Variants in ZNF800 observed in about 807,000 individuals in gnomAD.
ZNF800 encodes the protein zinc finger protein 800.
Under a neutral mutation model 59.5 loss-of-function variants are expected in ZNF800, and 13 were observed. The observed-to-expected ratio is 0.22, with a 90% confidence interval of 0.14 to 0.35. ZNF800 has a LOEUF of 0.35. Ranked by LOEUF, ZNF800 falls within the 10% of genes least tolerant of loss-of-function variation. The probability of loss-of-function intolerance (pLI) is 1.00; values close to 1 mark genes in which losing one functional copy is unlikely to be tolerated. For synonymous variants in ZNF800, 266 were observed against 265.7 expected (o/e 1.00, Z -0.01); for missense variants, 621 against 783.7 (o/e 0.79, Z 2.48).
At position 127,371,491 on chromosome 7, in the gene ZNF800, A is replaced by G. The variant is rs1334381606; in HGVS notation, c.*323T>C. On this transcript the variant is annotated 3_prime_UTR_variant, in exon 6 of 6. Coordinates refer to ENST00000265827, the MANE Select transcript of ZNF800 (RefSeq NM_176814.5). ...CAGGTTGTTGATCACTTAATCAACA[A>G]ATTGTTTAGAAAACAAAATTTGTAA... is the stretch of plus-strand genomic sequence containing the variant. 2 of 230,620 alleles carry G rather than the reference A, an allele frequency of 8.7e-6. No individual in the cohort carries two copies. The highest frequency in any genetic ancestry group is 1.7e-5 in the Non-Finnish European group (2 of 119,620). 14.3% of individuals were successfully genotyped at this position (230,620 alleles called of 1,614,324 possible).
Position 127,391,604 on chromosome 7 carries a change from A to T in ZNF800, c.-47T>A. On this transcript the variant is annotated 5_prime_UTR_variant, in exon 2 of 6. The change abolishes an upstream ATG in the 5' untranslated region. Coordinates refer to ENST00000265827, the MANE Select transcript of ZNF800 (RefSeq NM_176814.5). ...TTGCTTTCACTGTAAGAAGCTCTTC[A>T]TTGCGGCGTGGCTGTTGAAAGAAGC... 3.8e-6 allele frequency: 6 copies of T among 1,573,890 alleles called. No individual in the cohort carries two copies. Among genetic ancestry groups the T allele is most frequent in the Non-Finnish European group, 5.2e-6 (6 of 1,143,520 alleles).
chr7:127,366,295 A>G (rs552823056), downstream of ZNF800, among the ~76,000 whole-genome samples: 101 of 152,280 alleles, frequency 6.6e-4, 1 homozygote, highest in South Asian at 0.021. Context: ...AGTAAGCCCA[A>G]ATGTGGAAAG....
chr7:127,379,407 C>T (rs1319770510), intron 3 of ZNF800, among the ~76,000 whole-genome samples: 2 of 152,122 alleles, frequency 1.3e-5, no homozygotes, highest in East Asian at 1.9e-4. Flanking sequence ...ACCTGCTAGA[C>T]CCATAATACA....
intron 1 of ZNF800, among the ~76,000 whole-genome samples, chr7:127,358,975 T>A (rs1587425650): frequency 6.6e-6 from 1 of 152,244 alleles, no homozygotes; most frequent in East Asian, 1.9e-4. Context: ...CTGTCCCCAA[T>A]CGTATTTTTA....
chr7:127,372,615 T>C, intron 5 of ZNF800: 1 of 984,614 alleles, frequency 1.0e-6, no homozygotes, highest in Non-Finnish European at 1.2e-6. Context: ...AAAAAGTTTA[T>C]TAAAAAGAGA....
chr7:127,362,918 G>C (rs1286770128), intron 1 of ZNF800: 1 of 152,108 alleles, frequency 6.6e-6, no homozygotes, highest in Non-Finnish European at 1.5e-5. Flanking sequence ...TACTGCAATA[G>C]TGAAGGTAAG....
chr7:127,384,358 C>G (rs980260865), intron 3 of ZNF800, among the ~76,000 whole-genome samples: 3 of 150,666 alleles, frequency 2.0e-5, no homozygotes, highest in Admixed American at 2.0e-4. Flanking sequence ...CTCAGCCTCT[C>G]GAGTAGCTGA....
At chr7:127,386,761 T>C (rs1003850643) in intron 2 of ZNF800, among the ~76,000 whole-genome samples, 4 of 152,176 alleles carry the variant, frequency 2.6e-5, no homozygotes, top group Admixed American at 1.3e-4. Context: ...AAATAAACTG[T>C]GAAATGTCCA....
At position 127,377,091 on chromosome 7, in the gene ZNF800, T is replaced by G; in HGVS notation, c.301+95A>C. 1 of 1,116,624 alleles carries G rather than the reference T, an allele frequency of 9.0e-7. No homozygotes were observed. 69.2% of individuals were successfully genotyped at this position (1,116,624 alleles called of 1,614,324 possible). ...GTAACTAGACATCATTATCAAATTA[T>G]CAGTAACTAGATACAATTTTAATGC... is the stretch of plus-strand genomic sequence containing the variant. On this transcript the variant is annotated intron_variant, in intron 4 of 5. Transcript: ENST00000265827. The surrounding 1 kb of genome is among the most constrained non-coding windows in gnomAD (Gnocchi z 4.7).
downstream of ZNF800, among the ~76,000 whole-genome samples, chr7:127,343,987 T>C (rs1030273562): frequency 6.6e-6 from 1 of 152,026 alleles, no homozygotes; most frequent in Non-Finnish European, 1.5e-5. Flanking sequence ...GATAAAGACC[T>C]GTATTTCAGT....
At chr7:127,375,147 A>ATT (rs1435268798) in intron 4 of ZNF800, 113 bp from the exon 5 acceptor site, 1 of 856,566 alleles carries the variant, frequency 1.2e-6, no homozygotes, top group East Asian at 2.8e-5. Flanking sequence ...TTACCAGTTT[A>ATT]TTTTTATAAG....
At chr7:127,387,785 C>T (rs996038337) in intron 2 of ZNF800, among the ~76,000 whole-genome samples, 3 of 151,866 alleles carry the variant, frequency 2.0e-5, no homozygotes, top group Non-Finnish European at 4.4e-5. Context: ...CGTTTGAGCC[C>T]GGGAGGCAGA....
chr7:127,346,992 C>T (rs1285153363), exon 2 of ZNF800: 1 of 152,506 alleles, frequency 6.6e-6, no homozygotes, highest in African/African-American at 2.4e-5. Context: ...TGTGCCCGCT[C>T]ACTGACTGGG....
Position 127,373,762 on chromosome 7 carries a change from G to C in ZNF800, c.1574C>G (p.Thr525Ser), listed in dbSNP as rs1435897591. 1 of 1,614,130 alleles carries C rather than the reference G, an allele frequency of 6.2e-7. No individual in the cohort carries two copies. Among genetic ancestry groups the C allele is most frequent in the Admixed American group, 1.7e-5 (1 of 60,018 alleles). Residue 525 changes from threonine (T) to serine (S), a missense_variant, in exon 5 of 6, where the codon ACT (threonine) becomes AGT (serine). By Grantham distance (58) the Thr-to-Ser change is moderately conservative. Transcript: ENST00000265827. ...ATCACGTTTCCGACGAGTTTCATAA[G>C]TGCAAAGAGGACACTTGTAGAATTT... Reference protein sequence around the residue: ...YVKFYKCPLCTYETRRKRDVI... With the variant: ...YVKFYKCPLCSYETRRKRDVI...
downstream of ZNF800, among the ~76,000 whole-genome samples, chr7:127,367,878 C>T (rs570062564): frequency 4.6e-5 from 7 of 152,220 alleles, no homozygotes; most frequent in South Asian, 6.2e-4. Flanking sequence ...GCTGAGTGGA[C>T]GCAAACACCA....
chr7:127,391,533 G>C lies in ZNF800; in HGVS notation c.25C>G (p.Gln9Glu). MPLRDKYCQTDHHHHGCCE... is the reference protein window; with the variant it reads MPLRDKYCETDHHHHGCCE... Reference sequence around the variant, plus strand: ...CATCCGTGATGATGGTGGTCAGTCTGACAGTATTTGTCCCTTAAAGGCATT... The same window carrying C: ...CATCCGTGATGATGGTGGTCAGTCTCACAGTATTTGTCCCTTAAAGGCATT... Residue 9 changes from glutamine (Q) to glutamate (E), a missense_variant, in exon 2 of 6, where the codon CAG (glutamine) becomes GAG (glutamate). Transcript: ENST00000265827. 6.2e-7 allele frequency: 1 copy of C among 1,614,168 alleles called. No homozygotes were observed. Among genetic ancestry groups the C allele is most frequent in the Non-Finnish European group, 8.5e-7 (1 of 1,180,032 alleles).
At chr7:127,360,515 T>C (rs1015094814) in intron 1 of ZNF800, 2 of 152,146 alleles carry the variant, frequency 1.3e-5, no homozygotes, top group African/African-American at 4.8e-5. Context: ...TACAGAAAAG[T>C]TGAGGTCAAC....
chr7:127,364,761 AAAG>A (rs1198889516), intron 1 of ZNF800: 1 of 152,126 alleles, frequency 6.6e-6, no homozygotes, highest in Admixed American at 6.6e-5. Context: ...CTCTTCCTCC[AAAG>A]AAGAGACAGA....
At position 127,375,013 on chromosome 7, in the gene ZNF800, T is replaced by G. The variant is rs1400769632; in HGVS notation, c.323A>C (p.Lys108Thr). The G allele has an allele frequency of 6.3e-7, 1 of 1,588,044 alleles. No homozygotes were observed. Among genetic ancestry groups the G allele is most frequent in the Non-Finnish European group, 8.6e-7 (1 of 1,168,910 alleles). The change falls in exon 5 of 6, where the codon AAA becomes ACA. Residue 108 changes from lysine (K) to threonine (T), a missense_variant. Transcript: ENST00000265827. ...MDDNLPDVND[K>T]QSQAINDLLE... ...GAGATCATTTATGGCTTGGCTTTGT[T>G]TATCATTTACATCAGGAAGGTCTGT...
Sources: gnomAD v4.1 joint callset for allele counts (sites outside exome capture counted in the v4.1 genomes callset) on GRCh38, gnomAD v4.1.1 for gene constraint, Gnocchi (gnomAD v3.1) non-coding constraint, MANE v1.5 for transcripts, NCBI Gene and HGNC (gene_info 2026-07-23, HGNC 2026-07-21) for gene names.